The following TTC5 variants were observed in gnomAD, a reference collection of about 807,000 sequenced individuals.
TTC5 encodes tetratricopeptide repeat domain 5.
TTC5 carries 46 observed loss-of-function variants against 57.4 expected under a neutral mutation model. The ratio of observed to expected loss-of-function variants is 0.80; its 90% CI spans 0.63 to 1.03. The LOEUF (loss-of-function observed/expected upper bound fraction) is 1.03, where lower values mean the gene tolerates loss of function less well. TTC5 is among the 50% of genes least tolerant of loss of function. TTC5 has a pLI of 0.00. For missense variants in TTC5, 504 were observed against 528.1 expected, an observed-to-expected ratio of 0.95 and a Z score of 0.45; for synonymous variants, 190 against 203.5, an observed-to-expected ratio of 0.93 and a Z score of 0.57.
chr14:20,300,910 A>G (rs1478923691), intron 2 of TTC5, 92 bp from the exon 3 acceptor site: 2 of 1,014,726 alleles, frequency 2.0e-6, no homozygotes, highest in African/African-American at 3.2e-5. Context: ...CAGTTTTAGG[A>G]ATAAAAAGAG....
rs760958861 is a variant in TTC5, at chr14:20,299,458, G to A, written c.397-10C>T. 1.2e-6 allele frequency: 2 copies of A among 1,613,240 alleles called. No homozygotes were observed. The highest frequency in any genetic ancestry group is 4.5e-5 in the East Asian group (2 of 44,872). Reference sequence around the variant, plus strand: ...AGACTTTGTTCCTGCACTGCAAATAGGAAGGGCACATACTCAATCTTCCTG... The same window carrying A: ...AGACTTTGTTCCTGCACTGCAAATAAGAAGGGCACATACTCAATCTTCCTG... On this transcript the variant is annotated splice_polypyrimidine_tract_variant and intron_variant, in intron 3 of 9. Transcript: ENST00000258821.
intron 5 of TTC5, 29 bp from the exon 6 acceptor site, chr14:20,296,475 G>A (rs1395190674): frequency 9.0e-6 from 14 of 1,562,290 alleles, no homozygotes; most frequent in Non-Finnish European, 1.2e-5. Context: ...ATTATCAGTG[G>A]ATCCTGTCTC....
intron 5 of TTC5, 70 bp from the exon 6 acceptor site, chr14:20,296,516 C>G (rs1182169317): frequency 8.5e-7 from 1 of 1,170,466 alleles, no homozygotes; most frequent in Non-Finnish European, 1.3e-6. Context: ...CCAACATGTC[C>G]TACGCCTCCT....
intron 1 of TTC5, 93 bp downstream of exon 1, chr14:20,305,794 T>A (rs761525616): frequency 8.0e-7 from 1 of 1,251,744 alleles, no homozygotes; most frequent in Non-Finnish European, 1.2e-6. Context: ...GCTTCGCGTG[T>A]GTGCCGAGGA....
At position 20,287,998 on chromosome 14, in the gene TTC5, G is replaced by A. The variant is rs1881872644; in HGVS notation, c.*1629C>T. 6.6e-6 allele frequency: 1 copy of A among 152,146 alleles called. No individual in the cohort carries two copies. The highest frequency in any genetic ancestry group is 6.5e-5 in the Admixed American group (1 of 15,284). 9.4% of individuals were successfully genotyped at this position (152,146 alleles called of 1,614,324 possible). On this transcript the variant is annotated 3_prime_UTR_variant, in exon 10 of 10. Transcript: ENST00000258821. The stretch of plus-strand genomic sequence containing the variant: ...GTTTTTTTGGTGCAGTCCATGAAGA[G>A]TGTTCTTGCAAACTATATCAGACTG...
intron 8 of TTC5, chr14:20,293,710 G>A (rs1017318298): frequency 6.6e-6 from 1 of 152,214 alleles, no homozygotes; most frequent in Non-Finnish European, 1.5e-5. Context: ...ACACAGAGAA[G>A]TCAAGTCTAT....
In TTC5 at chr14:20,300,631, G is replaced by T; in HGVS notation, c.372C>A (p.Thr124=). The change falls in exon 3 of 10, where the codon ACC becomes ACA. Residue 124 remains threonine, a synonymous_variant. Coordinates refer to ENST00000258821, the MANE Select transcript of TTC5 (RefSeq NM_138376.3). ...WKKGDVAAAH[T]CFSGALTHCR... is the part of the protein sequence containing the mutation. ...CATGGGTGAGGGCTCCTGAGAAGCA[G>T]GTGTGGGCAGCTGCAACATCCCCTT... 1 of 1,613,096 alleles carries T rather than the reference G, an allele frequency of 6.2e-7. No homozygotes were observed.
At chr14:20,290,547 G>GA (rs915884890) in intron 9 of TTC5, among the ~76,000 whole-genome samples, 1 of 152,016 alleles carries the variant, frequency 6.6e-6, no homozygotes, top group Non-Finnish European at 1.5e-5. Context: ...CCAGAGTTGA[G>GA]AAAAAAACTA....
chr14:20,300,608 T>TGA lies in TTC5; in HGVS notation c.394_395insTC (p.His132LeufsTer98). 1 of 1,610,356 alleles carries TGA rather than the reference T, an allele frequency of 6.2e-7. No individual in the cohort carries two copies. Among genetic ancestry groups the TGA allele is most frequent in the Non-Finnish European group, 8.5e-7 (1 of 1,179,494 alleles). ...CCAAAGGGATAGGGGGCAGCTCACA[T>TGA]GGGTGAGGGCTCCTGAGAAGCAGGT... On this transcript the variant is annotated frameshift_variant and splice_region_variant, in exon 3 of 10. Coordinates refer to ENST00000258821, the MANE Select transcript of TTC5 (RefSeq NM_138376.3). LOFTEE classifies it high-confidence loss of function.
rs1039538010 is a variant in TTC5 at position 20,288,178 on chromosome 14, GAGAC to G, written c.*1445_*1448del. The G allele has an allele frequency of 3.3e-5, 4 of 122,502 alleles. No individual in the cohort carries two copies. Among genetic ancestry groups the G allele is most frequent in the Non-Finnish European group, 7.5e-5 (4 of 52,988 alleles). 7.6% of individuals were successfully genotyped at this position (122,502 alleles called of 1,614,324 possible). ...CTCAGCCTTTATGACTTCTTAGATAGAGACAGATAGATAGATAGATAGATAGACA... is the reference window on the plus strand; with the variant it reads ...CTCAGCCTTTATGACTTCTTAGATAGAGATAGATAGATAGATAGATAGACA... On this transcript the variant is annotated 3_prime_UTR_variant, in exon 10 of 10. Coordinates refer to ENST00000258821, the MANE Select transcript of TTC5 (RefSeq NM_138376.3).
At chr14:20,291,858 A>C (rs567873595) in intron 9 of TTC5, 125 bp downstream of exon 9, 34 of 776,968 alleles carry the variant, frequency 4.4e-5, no homozygotes, top group Non-Finnish European at 5.3e-5. Flanking sequence ...TATACACACA[A>C]ATATATATAC....
In TTC5 at chr14:20,295,719, G is replaced by T. The variant is rs936436943; in HGVS notation, c.832C>A (p.Leu278Ile). Reference sequence around the variant, plus strand: ...TCAGACATTTTTACCTTACTCTCAAGGAGGCTGGTTAATCTATCCAGGAAT... The same window carrying T: ...TCAGACATTTTTACCTTACTCTCAATGAGGCTGGTTAATCTATCCAGGAAT... ...LEFLDRLTSL[L>I]ESKGKVKTKK... is the part of the protein sequence containing the mutation. Residue 278 changes from leucine (L) to isoleucine (I), a missense_variant, in exon 7 of 10, where the codon CTT becomes ATT. By Grantham distance (5) the Leu-to-Ile change is conservative (BLOSUM62 2). Coordinates refer to ENST00000258821, the MANE Select transcript of TTC5 (RefSeq NM_138376.3). 6.2e-7 allele frequency: 1 copy of T among 1,605,226 alleles called. No individual in the cohort carries two copies. The highest frequency in any genetic ancestry group is 8.5e-7 in the Non-Finnish European group (1 of 1,177,734).
At position 20,289,713 on chromosome 14, in the gene TTC5, G is replaced by A. The variant is rs1881915534; in HGVS notation, c.1237C>T (p.Pro413Ser). 2 of 1,613,866 alleles carry A rather than the reference G, an allele frequency of 1.2e-6. No individual in the cohort carries two copies. The highest frequency in any genetic ancestry group is 1.7e-6 in the Non-Finnish European group (2 of 1,179,854). The change falls in exon 10 of 10, where the codon CCC becomes TCC. Residue 413 changes from proline (P) to serine (S), a missense_variant. By Grantham distance (74) the Pro-to-Ser change is moderately conservative. Coordinates refer to ENST00000258821, the MANE Select transcript of TTC5 (RefSeq NM_138376.3). ...TTCCCATTCACCACTAGCAGGAGGGGCGTCTCCACTCGAACACTGGAAAAG... is the reference window on the plus strand; with the variant it reads ...TTCCCATTCACCACTAGCAGGAGGGACGTCTCCACTCGAACACTGGAAAAG... ...YSFSSVRVETPLLLVVNGKPQ... is the reference protein window; with the variant it reads ...YSFSSVRVETSLLLVVNGKPQ...
chr14:20,298,542 A>G (rs1393122297), intron 5 of TTC5, among the ~76,000 whole-genome samples: 1 of 152,214 alleles, frequency 6.6e-6, no homozygotes, highest in East Asian at 1.9e-4. Flanking sequence ...ATTTGGTTAT[A>G]TATGTGTGTA....
chr14:20,296,850 TAA>T (rs1171752581), intron 5 of TTC5, among the ~76,000 whole-genome samples: 1 of 152,048 alleles, frequency 6.6e-6, no homozygotes, highest in Non-Finnish European at 1.5e-5. Flanking sequence ...CTGTCTCTAC[TAA>T]AAATACAAAA....
At chr14:20,299,834 G>A (rs1383328013) in intron 3 of TTC5, among the ~76,000 whole-genome samples, 1 of 150,224 alleles carries the variant, frequency 6.7e-6, no homozygotes, top group Non-Finnish European at 1.5e-5. Flanking sequence ...TTACAGGTGT[G>A]AGCCACCACG....
chr14:20,286,653 C>T lies in TTC5; in HGVS notation c.*2974G>A, dbSNP rs1881844334. The T allele has an allele frequency of 6.6e-6, 1 of 151,594 alleles. No homozygotes were observed. Among genetic ancestry groups the T allele is most frequent in the South Asian group, 2.1e-4 (1 of 4,820 alleles). 9.4% of individuals were successfully genotyped at this position (151,594 alleles called of 1,614,324 possible). A position where few individuals can be genotyped will look rare whatever the true frequency, so the allele number is the denominator to read the frequency against. ...CTTATGACTTTAGGAGAGCTAAGAA[C>T]CTCTTAAAACACAAAAAGCATTATC... On this transcript the variant is annotated 3_prime_UTR_variant, in exon 10 of 10. Coordinates refer to ENST00000258821, the MANE Select transcript of TTC5 (RefSeq NM_138376.3).
Position 20,287,770 on chromosome 14 carries a change from C to G in TTC5, c.*1857G>C, listed in dbSNP as rs1278864900. The G allele has an allele frequency of 6.6e-6, 1 of 152,184 alleles. No individual in the cohort carries two copies. Among genetic ancestry groups the G allele is most frequent in the Non-Finnish European group, 1.5e-5 (1 of 68,034 alleles). The allele number at this position is 152,184 out of a possible 1,614,324, so 9.4% of individuals were successfully genotyped here. A position where few individuals can be genotyped will look rare whatever the true frequency, so the allele number is the denominator to read the frequency against. On this transcript the variant is annotated 3_prime_UTR_variant, in exon 10 of 10. Transcript: ENST00000258821. ...ACAGTATTTGGGTCCCACATCTCTA[C>G]TGCCTCAAATGTTTACACATACTAC...
Position 20,296,375 on chromosome 14 carries a change from C to A in TTC5, c.696+15G>T. 1 of 1,607,536 alleles carries A rather than the reference C, an allele frequency of 6.2e-7. No homozygotes were observed. ...TTTATTTGACCCTCAGATGACTACA[C>A]CCCAAAGGTCTTACCGTCGCCCTGT... is the stretch of plus-strand genomic sequence containing the variant. On this transcript the variant is annotated intron_variant, in intron 6 of 9. Coordinates refer to ENST00000258821, the MANE Select transcript of TTC5 (RefSeq NM_138376.3).
Sources: gnomAD v4.1 joint callset for allele counts (sites outside exome capture counted in the v4.1 genomes callset) on GRCh38, gnomAD v4.1.1 for gene constraint, MANE v1.5 for transcripts, NCBI Gene and HGNC (gene_info 2026-07-23, HGNC 2026-07-21) for gene names.